Variants in VPS29 observed in about 807,000 individuals in gnomAD.
VPS29 encodes vacuolar protein sorting-associated protein 29.
In VPS29, 2 loss-of-function variants were observed where a neutral mutation model predicts 20.0. The observed-to-expected ratio is 0.10, with a 90% CI of 0.04 to 0.31. The LOEUF (loss-of-function observed/expected upper bound fraction) is 0.31, where lower values mean the gene tolerates loss of function less well. VPS29 is among the 10% of genes least tolerant of loss of function. The pLI is 1.00. For synonymous variants in VPS29, 81 were observed against 79.3 expected (o/e 1.02, Z -0.12); for missense variants, 120 against 215.3 (o/e 0.56, Z 2.77).
At chr12:110,501,283 G>T (rs2063032044) in intron 1 of VPS29, 4 of 1,155,608 alleles carry the variant, frequency 3.5e-6, no homozygotes, top group Non-Finnish European at 4.9e-6. Context: ...TGGGGGTGAA[G>T]GGGTGATTGC....
Position 110,494,106 on chromosome 12 carries a change from C to T in VPS29, c.196-875G>A, listed in dbSNP as rs1048700583. ...ATCTCCCCGTCTTTCACCTCCATGC[C>T]ACCTTTAAATTTATCCAAACTCTTT... On this transcript the variant is annotated intron_variant, in intron 2 of 3. Transcript: ENST00000549578. 3.3e-5 allele frequency among the ~76,000 whole-genome samples: 5 copies of T among 151,956 alleles called. No homozygotes were observed. In the East Asian group the frequency reaches 7.7e-4, roughly 23 times the overall value.
chr12:110,501,310 G>A, intron 1 of VPS29: 3 of 1,424,486 alleles, frequency 2.1e-6, no homozygotes, highest in South Asian at 2.5e-5. Flanking sequence ...GTGGCTGGGG[G>A]AGACTAGGTA....
At chr12:110,501,490 G>C in intron 1 of VPS29, 1 of 1,535,466 alleles carries the variant, frequency 6.5e-7, no homozygotes, top group Non-Finnish European at 8.7e-7. Context: ...CCCTCTGAGA[G>C]CACACCTGCT....
In VPS29 at chr12:110,496,198, C is replaced by T; in HGVS notation, c.9G>A (p.Val3=). 6.2e-7 allele frequency: 1 copy of T among 1,602,412 alleles called. No homozygotes were observed. ...GGATGTGCAGATCTCCTAATACCAA[C>T]ACCAACTTTAAAGTGTCAAGGTGAG... ML[V]LVLGDLHIPH... The change falls in exon 2 of 4, where the codon GTG becomes GTA. Residue 3 remains valine (V), a synonymous_variant. Coordinates refer to ENST00000549578, the MANE Select transcript of VPS29 (RefSeq NM_016226.5).
chr12:110,493,142 A>G lies in VPS29; in HGVS notation c.285T>C (p.Asp95=). 1 of 1,613,660 alleles carries G rather than the reference A, an allele frequency of 6.2e-7. No homozygotes were observed. Among genetic ancestry groups the G allele is most frequent in the Non-Finnish European group, 8.5e-7 (1 of 1,179,814 alleles). The stretch of plus-strand genomic sequence containing the variant: ...TCTGCAACAGGGCTAAGCTGGCCAT[A>G]TCTCCCCATGGAATAACTTGATGTC... ...IHGHQVIPWG[D]MASLALLQRQ... The change falls in exon 3 of 4, where the codon GAT becomes GAC. Residue 95 remains aspartate, a synonymous_variant. Coordinates refer to ENST00000549578, the MANE Select transcript of VPS29 (RefSeq NM_016226.5).
At chr12:110,493,382 C>CA in intron 2 of VPS29, 151 bp from the exon 3 acceptor site, 1 of 498,728 alleles carries the variant, frequency 2.0e-6, no homozygotes, top group East Asian at 3.5e-5. Flanking sequence ...TTTTTTGAGA[C>CA]AGAGTGTTGC....
chr12:110,502,020 G>T, intron 1 of VPS29, 29 bp downstream of exon 1: 2 of 1,613,106 alleles, frequency 1.2e-6, no homozygotes, highest in Non-Finnish European at 1.7e-6. Context: ...CGAGAGCCAG[G>T]CCTTGGTCGC....
intron 1 of VPS29, chr12:110,498,765 A>C: frequency 1.1e-6 from 1 of 900,000 alleles, no homozygotes; most frequent in Non-Finnish European, 1.3e-6. Context: ...AACATCTGTA[A>C]AACTAAAAAC....
At chr12:110,497,028 A>G (rs1331602707) in intron 1 of VPS29, 1 of 152,150 alleles carries the variant, frequency 6.6e-6, no homozygotes, top group African/African-American at 2.4e-5. Context: ...ACATTTTCAC[A>G]ATCTTTCATG....
chr12:110,492,599 T>TTTTATTTA (rs58647450), intron 3 of VPS29, among the ~76,000 whole-genome samples: 13,379 of 132,186 alleles, frequency 0.1, 953 homozygotes, highest in African/African-American at 0.17. Flanking sequence ...TTTATTTTTA[T>TTTTATTTA]TTTATTTATT....
chr12:110,495,579 G>A (rs979252573), intron 2 of VPS29, among the ~76,000 whole-genome samples: 4 of 152,142 alleles, frequency 2.6e-5, no homozygotes, highest in South Asian at 2.1e-4. Context: ...GTGATGGTGT[G>A]TGCCTGTAGT....
chr12:110,498,436 G>A (rs2062943105), intron 1 of VPS29, among the ~76,000 whole-genome samples: 1 of 152,028 alleles, frequency 6.6e-6, no homozygotes, highest in Admixed American at 6.6e-5. Context: ...TAGCTAATAG[G>A]ATAAAACAAA....
chr12:110,499,639 C>CAAAAAAAAAAAAA, intron 1 of VPS29: 1 of 896,644 alleles, frequency 1.1e-6, no homozygotes, highest in Non-Finnish European at 1.7e-6. Flanking sequence ...CAAAAAGAAA[C>CAAAAAAAAAAAAA]CAAAAAAAAA....
chr12:110,501,950 G>A (rs746353635), intron 1 of VPS29, 99 bp downstream of exon 1: 8 of 1,609,322 alleles, frequency 5.0e-6, no homozygotes, highest in Non-Finnish European at 6.8e-6. Flanking sequence ...GAGGCCTCCG[G>A]GATTTCCCAA....
chr12:110,497,037 T>A (rs1443456187), intron 1 of VPS29: 2 of 152,078 alleles, frequency 1.3e-5, no homozygotes, highest in African/African-American at 2.4e-5. Flanking sequence ...CAATCTTTCA[T>A]GTATATTAGA....
At chr12:110,496,409 TTCA>T in intron 1 of VPS29, 1 of 445,218 alleles carries the variant, frequency 2.2e-6, no homozygotes, top group Non-Finnish European at 4.0e-6. Flanking sequence ...TGGGATAGGT[TTCA>T]TCATTGATTG....
At position 110,493,133 on chromosome 12, in the gene VPS29, G is replaced by A; in HGVS notation, c.294C>T (p.Ser98=). ...CAAATTGCCTCTGCAACAGGGCTAA[G>A]CTGGCCATATCTCCCCATGGAATAA... ...HQVIPWGDMA[S]LALLQRQFDV... is the part of the protein sequence containing the mutation. Residue 98 remains serine, a synonymous_variant, in exon 3 of 4, where the codon AGC becomes AGT. Transcript: ENST00000549578. The A allele has an allele frequency of 1.9e-6, 3 of 1,613,848 alleles. No individual in the cohort carries two copies. The highest frequency in any genetic ancestry group is 1.1e-5 in the South Asian group (1 of 90,998).
intron 2 of VPS29, 105 bp from the exon 3 acceptor site, chr12:110,493,336 G>T: frequency 1.3e-6 from 1 of 761,416 alleles, no homozygotes. Flanking sequence ...TTTTGATGTA[G>T]TACCCCACAA....
intron 2 of VPS29, among the ~76,000 whole-genome samples, chr12:110,495,624 T>C (rs964607393): frequency 8.5e-5 from 13 of 152,174 alleles, no homozygotes; most frequent in African/African-American, 2.9e-4. Context: ...GGAGAATCGG[T>C]TGAACCTGAG....
Sources: gnomAD v4.1 joint callset for allele counts (sites outside exome capture counted in the v4.1 genomes callset) on GRCh38, gnomAD v4.1.1 for gene constraint, MANE v1.5 for transcripts, NCBI Gene and HGNC (gene_info 2026-07-23, HGNC 2026-07-21) for gene names.